Variants in DOCK10 observed in about 807,000 individuals in gnomAD.
DOCK10 encodes dedicator of cytokinesis protein 10.
DOCK10 carries 145 observed loss-of-function variants against 280.1 expected under a neutral mutation model. The ratio of observed to expected loss-of-function variants is 0.52; its 90% CI spans 0.45 to 0.59. The LOEUF (loss-of-function observed/expected upper bound fraction) is 0.59. DOCK10 is among the 20% of genes least tolerant of loss of function. The probability of loss-of-function intolerance (pLI) is 0.00; values close to 1 mark genes in which losing one functional copy is unlikely to be tolerated. For synonymous variants in DOCK10, 915 were observed against 942.2 expected, an observed-to-expected ratio of 0.97 and a Z score of 0.53; for missense variants, 2,368 against 2,651.7, an observed-to-expected ratio of 0.89 and a Z score of 2.35.
intron 1 of DOCK10, among the ~76,000 whole-genome samples, chr2:224,979,953 T>A (rs1705660825): frequency 1.1e-5 from 1 of 94,056 alleles, no homozygotes; most frequent in Admixed American, 1.0e-4. Flanking sequence ...CTCCAGAGTC[T>A]GTGATCTTAT....
At chr2:224,844,939 T>A in intron 21 of DOCK10, 100 bp from the exon 22 acceptor site, 1 of 923,976 alleles carries the variant, frequency 1.1e-6, no homozygotes, top group Non-Finnish European at 1.7e-6. Flanking sequence ...GATCCATTAA[T>A]CTTATATCAG....
At chr2:224,880,347 T>C (rs1698909198) in intron 7 of DOCK10, among the ~76,000 whole-genome samples, 1 of 152,208 alleles carries the variant, frequency 6.6e-6, no homozygotes. Flanking sequence ...GATTAAGATG[T>C]CTGAGTGGTT....
At chr2:224,878,652 A>G (rs1426675787) in intron 7 of DOCK10, among the ~76,000 whole-genome samples, 5 of 152,258 alleles carry the variant, frequency 3.3e-5, no homozygotes, top group Non-Finnish European at 5.9e-5. Flanking sequence ...GAACCAAAGG[A>G]GAAAGAATTG....
chr2:224,954,593 A>C (rs1176303141), intron 1 of DOCK10, among the ~76,000 whole-genome samples: 1 of 152,212 alleles, frequency 6.6e-6, no homozygotes, highest in Non-Finnish European at 1.5e-5. Context: ...TATGGAGACA[A>C]AACTCTAACT....
intron 1 of DOCK10, among the ~76,000 whole-genome samples, chr2:224,997,376 T>C (rs987177770): frequency 1.3e-5 from 2 of 152,060 alleles, no homozygotes; most frequent in African/African-American, 4.8e-5. Flanking sequence ...GACTTACAGG[T>C]GCCTGCCACC....
chr2:224,819,609 T>C lies in DOCK10; in HGVS notation c.3184-80A>G, dbSNP rs559653947. On this transcript the variant is annotated intron_variant, in intron 28 of 55. Coordinates refer to ENST00000258390, the MANE Select transcript of DOCK10 (RefSeq NM_014689.3). The stretch of plus-strand genomic sequence containing the variant: ...ATTTTAGAAAATATGATTAAATATA[T>C]TGAAGTAAAATAACACTAAACTAAA... 7.5e-4 allele frequency: 698 copies of C among 933,472 alleles called. 1 individual carries two copies. Among genetic ancestry groups the C allele is most frequent in the Non-Finnish European group, 7.3e-4 (457 of 628,232 alleles). 57.8% of individuals were successfully genotyped at this position (933,472 alleles called of 1,614,324 possible). A position where few individuals can be genotyped will look rare whatever the true frequency, so the allele number is the denominator to read the frequency against.
intron 1 of DOCK10, among the ~76,000 whole-genome samples, chr2:224,938,775 GA>G (rs1277875486): frequency 2.0e-5 from 3 of 152,150 alleles, no homozygotes; most frequent in Admixed American, 6.5e-5. Context: ...CATACAGCTG[GA>G]TGCACGGCCG....
chr2:224,985,838 G>A (rs1347376483), intron 1 of DOCK10, among the ~76,000 whole-genome samples: 1 of 145,438 alleles, frequency 6.9e-6, no homozygotes, highest in Non-Finnish European at 1.5e-5. Flanking sequence ...GGCTGTACAT[G>A]TTGATATATC....
rs543935234 is a variant in DOCK10 at position 224,827,416 on chromosome 2, A to G, written c.3036+3125T>C. On this transcript the variant is annotated intron_variant, in intron 27 of 55. Transcript: ENST00000258390. ...AAGGGGTCACGGAAAGCAAACCTCA[A>G]TCGGGGAAGATAAACTGCTGGACAC... is the stretch of plus-strand genomic sequence containing the variant. Among the ~76,000 whole-genome samples the G allele has an allele frequency of 7.9e-4, 120 of 152,216 alleles. 1 individual carries two copies. Among genetic ancestry groups the G allele is most frequent in the South Asian group, 4.6e-3 (22 of 4,818 alleles).
intron 30 of DOCK10, 104 bp downstream of exon 30, chr2:224,816,513 T>A: frequency 1.3e-6 from 1 of 769,008 alleles, no homozygotes; most frequent in Non-Finnish European, 2.2e-6. Flanking sequence ...TCAAACAAAA[T>A]TATGACTGAA....
intron 7 of DOCK10, among the ~76,000 whole-genome samples, chr2:224,880,163 T>C (rs2125717092): frequency 6.6e-6 from 1 of 152,340 alleles, no homozygotes; most frequent in East Asian, 1.9e-4. Flanking sequence ...TTCAACAATA[T>C]AATCACAAAT....
chr2:225,020,636 G>A (rs1236656208), intron 1 of DOCK10, among the ~76,000 whole-genome samples: 1 of 152,146 alleles, frequency 6.6e-6, no homozygotes, highest in Non-Finnish European at 1.5e-5. Context: ...CAATTTAATG[G>A]CAATCATGAG....
chr2:224,910,006 T>C (rs1700920629), intron 3 of DOCK10, among the ~76,000 whole-genome samples: 1 of 152,092 alleles, frequency 6.6e-6, no homozygotes, highest in Non-Finnish European at 1.5e-5. Flanking sequence ...AAGCTGAGAA[T>C]TGTCAAAGTA....
At chr2:224,978,781 C>T (rs2126241531) in intron 1 of DOCK10, among the ~76,000 whole-genome samples, 1 of 152,274 alleles carries the variant, frequency 6.6e-6, no homozygotes, top group East Asian at 1.9e-4. Flanking sequence ...TATGCAACTT[C>T]CTACTTGACA....
rs146691050 is a variant in DOCK10 at position 224,978,243 on chromosome 2, G to A, written c.124-46575C>T. On this transcript the variant is annotated intron_variant, in intron 1 of 55. Transcript: ENST00000258390. ...AGGTCAGGAGTTCGAGACCAGCCTG[G>A]CCCACATGGTGATACCTCGTCTCTA... Among the ~76,000 whole-genome samples the A allele has an allele frequency of 8.7e-3, 1,330 of 152,162 alleles. 13 individuals carry two copies. The highest frequency in any genetic ancestry group is 0.031 in the African/African-American group (1,270 of 41,490).
At chr2:225,014,393 A>G (rs975189064) in intron 1 of DOCK10, among the ~76,000 whole-genome samples, 1 of 152,046 alleles carries the variant, frequency 6.6e-6, no homozygotes, top group African/African-American at 2.4e-5. Context: ...TCCTTATAAA[A>G]ATAGAGAATT....
intron 7 of DOCK10, 149 bp from the exon 8 acceptor site, chr2:224,876,370 G>T: frequency 1.6e-6 from 1 of 631,890 alleles, no homozygotes. Flanking sequence ...CAAAATTTTA[G>T]ATGGGTCTGA....
rs1224377650 is a variant in DOCK10 at position 224,805,148 on chromosome 2, T to C, written c.4052-24A>G. 2 of 1,605,414 alleles carry C rather than the reference T, an allele frequency of 1.2e-6. No homozygotes were observed. Among genetic ancestry groups the C allele is most frequent in the Admixed American group, 3.4e-5 (2 of 58,042 alleles). On this transcript the variant is annotated intron_variant, in intron 36 of 55. Transcript: ENST00000258390. The surrounding 1 kb of genome is among the most constrained non-coding windows in gnomAD (Gnocchi z 4.3). ...CTCTAAAAGGAAACACCAGGTAGTATGAGAATCTGAAGGTTTTCTTTTTCC... is the reference window on the plus strand; with the variant it reads ...CTCTAAAAGGAAACACCAGGTAGTACGAGAATCTGAAGGTTTTCTTTTTCC...
At position 224,864,895 on chromosome 2, in the gene DOCK10, G is replaced by C. The variant is rs370658203; in HGVS notation, c.1450C>G (p.Pro484Ala). 19 of 1,613,798 alleles carry C rather than the reference G, an allele frequency of 1.2e-5. No individual in the cohort carries two copies. Among genetic ancestry groups the C allele is most frequent in the Non-Finnish European group, 1.5e-5 (18 of 1,179,890 alleles). Residue 484 changes from proline to alanine, a missense_variant, in exon 12 of 56, where the codon CCA becomes GCA. This residue lies in a region of DOCK10 where 1,209 missense variants were observed against 1,250.9 expected (regional missense o/e 0.97). Coordinates refer to ENST00000258390, the MANE Select transcript of DOCK10 (RefSeq NM_014689.3). Reference sequence around the variant, plus strand: ...TTTGGAAATTTTAGCCATTCCTCTGGAAGTCCCTTGATGTGAGGTTCTTCT... The same window carrying C: ...TTTGGAAATTTTAGCCATTCCTCTGCAAGTCCCTTGATGTGAGGTTCTTCT... The part of the protein sequence containing the change: ...QSEEPHIKGL[P>A]EEWLKFPKQA...
Sources: gnomAD v4.1 joint callset for allele counts (sites outside exome capture counted in the v4.1 genomes callset) on GRCh38, gnomAD v4.1.1 for gene constraint, gnomAD v4.1.1 regional missense constraint, Gnocchi (gnomAD v3.1) non-coding constraint, MANE v1.5 for transcripts, NCBI Gene and HGNC (gene_info 2026-07-23, HGNC 2026-07-21) for gene names.